Variants in OR9Q1 observed in about 807,000 individuals in gnomAD.
The protein encoded by OR9Q1 is olfactory receptor family 9 subfamily Q member 1.
For missense variants in OR9Q1, 374 were observed against 378.8 expected, an observed-to-expected ratio of 0.99 and a Z score of 0.11; for synonymous variants, 153 against 148.6, an observed-to-expected ratio of 1.03 and a Z score of -0.22.
chr11:58,044,215 C>T (rs1335960155), intron 1 of OR9Q1: 1 of 152,182 alleles, frequency 6.6e-6, no homozygotes, highest in Non-Finnish European at 1.5e-5. Flanking sequence ...CTGGACTTTT[C>T]CATTGAAGGA....
chr11:58,099,319 A>G (rs1485662659), intron 2 of OR9Q1, among the ~76,000 whole-genome samples: 3 of 148,426 alleles, frequency 2.0e-5, no homozygotes, highest in African/African-American at 7.3e-5. Context: ...AATATAATAT[A>G]TAAAACATAT....
chr11:58,178,023 C>T (rs1854621804), intron 2 of OR9Q1, among the ~76,000 whole-genome samples: 1 of 152,020 alleles, frequency 6.6e-6, no homozygotes, highest in Admixed American at 6.6e-5. Flanking sequence ...TGTAGGAGAA[C>T]CTGGGGGAGA....
chr11:58,180,664 G>A lies in OR9Q1; in HGVS notation c.*287G>A, dbSNP rs1232301390. 3.7e-6 allele frequency: 1 copy of A among 266,734 alleles called. No individual in the cohort carries two copies. The highest frequency in any genetic ancestry group is 7.5e-6 in the Non-Finnish European group (1 of 132,922). The allele number at this position is 266,734 out of a possible 1,614,324, so 16.5% of individuals were successfully genotyped here. A position where few individuals can be genotyped will look rare whatever the true frequency, so the allele number is the denominator to read the frequency against. On this transcript the variant is annotated 3_prime_UTR_variant, in exon 3 of 3. Transcript: ENST00000335397. ...ACACTTCACCTGTCTGTGATTATAA[G>A]AGTAATTTTTTTTGCAAAATTTTTA...
chr11:58,089,551 G>T (rs988500711), intron 2 of OR9Q1, among the ~76,000 whole-genome samples: 2 of 151,848 alleles, frequency 1.3e-5, no homozygotes, highest in Non-Finnish European at 2.9e-5. Context: ...TTTGATTACT[G>T]TAGCCTTGTA....
chr11:58,177,553 A>AT (rs1271754309), intron 2 of OR9Q1, among the ~76,000 whole-genome samples: 1 of 152,184 alleles, frequency 6.6e-6, no homozygotes, highest in Non-Finnish European at 1.5e-5. Flanking sequence ...TTATAAAAGC[A>AT]TTTTTGGTAA....
At position 58,179,591 on chromosome 11, in the gene OR9Q1, C is replaced by A; in HGVS notation, c.147C>A (p.Ile49=). The A allele has an allele frequency of 1.2e-6, 2 of 1,613,734 alleles. No individual in the cohort carries two copies. Among genetic ancestry groups the A allele is most frequent in the Non-Finnish European group, 1.7e-6 (2 of 1,179,774 alleles). Reference sequence around the variant, plus strand: ...GGAACTTAGAGATGATTATTCTGATCCTCATGGATCACCAGCTCCACGCTC... The same window carrying A: ...GGAACTTAGAGATGATTATTCTGATACTCATGGATCACCAGCTCCACGCTC... The part of the protein sequence containing the change: ...VLGNLEMIIL[I]LMDHQLHAPM... Residue 49 remains isoleucine, a synonymous_variant, in exon 3 of 3, where the codon ATC becomes ATA. Coordinates refer to ENST00000335397, the MANE Select transcript of OR9Q1 (RefSeq NM_001005212.4).
Position 58,031,031 on chromosome 11 carries a change from C to G in OR9Q1, c.-93+6927C>G, listed in dbSNP as rs75126969. The G allele has an allele frequency of 5.0e-6, 8 of 1,613,876 alleles. No individual in the cohort carries two copies. The African/African-American group carries it at 1.1e-4, about 22-fold the overall frequency. ...CTTTGCTGGCATCCATGAAGCACACCTCCTCTTCTTCATACTCTTCCTCAC... is the reference window on the plus strand; with the variant it reads ...CTTTGCTGGCATCCATGAAGCACACGTCCTCTTCTTCATACTCTTCCTCAC... On this transcript the variant is annotated intron_variant, in intron 1 of 2. Coordinates refer to ENST00000335397, the MANE Select transcript of OR9Q1 (RefSeq NM_001005212.4).
intron 2 of OR9Q1, among the ~76,000 whole-genome samples, chr11:58,104,801 C>T (rs899540407): frequency 4.6e-5 from 7 of 152,028 alleles, no homozygotes; most frequent in African/African-American, 1.4e-4. Context: ...TTGCATGTTC[C>T]GGACAGTATA....
At chr11:58,097,512 A>C (rs780383307) in intron 2 of OR9Q1, among the ~76,000 whole-genome samples, 6 of 152,340 alleles carry the variant, frequency 3.9e-5, no homozygotes, top group South Asian at 2.1e-4. Flanking sequence ...TGTAATGTCA[A>C]ATGTAAAACC....
intron 2 of OR9Q1, among the ~76,000 whole-genome samples, chr11:58,116,476 A>C (rs1428233942): frequency 6.6e-6 from 1 of 152,178 alleles, no homozygotes; most frequent in Non-Finnish European, 1.5e-5. Context: ...CTCATTTTTC[A>C]TATCCTTGTC....
At chr11:58,083,976 T>A (rs1853612327) in intron 2 of OR9Q1, among the ~76,000 whole-genome samples, 1 of 151,916 alleles carries the variant, frequency 6.6e-6, no homozygotes, top group Non-Finnish European at 1.5e-5. Flanking sequence ...TTAGAATAGG[T>A]TTTTCTAATT....
At chr11:58,134,382 T>C (rs964311264) in intron 2 of OR9Q1, among the ~76,000 whole-genome samples, 3 of 152,172 alleles carry the variant, frequency 2.0e-5, no homozygotes, top group Admixed American at 1.3e-4. Flanking sequence ...ATCCCCAACC[T>C]TTCCCATTGG....
chr11:58,093,759 C>CAAAAAAAAAAAAAAAAAA, intron 2 of OR9Q1, among the ~76,000 whole-genome samples: 1 of 35,562 alleles, frequency 2.8e-5, no homozygotes, highest in Non-Finnish European at 5.6e-5. Context: ...GACTTCATCT[C>CAAAAAAAAAAAAAAAAAA]AAAAAAAAAA....
chr11:58,066,030 G>T, intron 2 of OR9Q1, among the ~76,000 whole-genome samples: 1 of 152,170 alleles, frequency 6.6e-6, no homozygotes, highest in East Asian at 1.9e-4. Context: ...CCTGTCAGGA[G>T]CCCTGTAGTG....
intron 1 of OR9Q1, chr11:58,030,833 C>T (rs916252556): frequency 1.5e-6 from 1 of 682,728 alleles, no homozygotes; most frequent in Non-Finnish European, 2.6e-6. Context: ...AGTGTGTTGA[C>T]ATCATGTTTC....
In OR9Q1 at chr11:58,180,400, C is replaced by T. The variant is rs1201943702; in HGVS notation, c.*23C>T. The T allele has an allele frequency of 1.4e-6, 2 of 1,439,998 alleles. No homozygotes were observed. The highest frequency in any genetic ancestry group is 4.6e-5 in the East Asian group (2 of 43,656). 89.2% of individuals were successfully genotyped at this position (1,439,998 alleles called of 1,614,324 possible). A position where few individuals can be genotyped will look rare whatever the true frequency, so the allele number is the denominator to read the frequency against. Reference sequence around the variant, plus strand: ...TAACCATCTCCAAACTTGGAAAATCCCGAGAACCACCTACTCTGTAGTGTC... The same window carrying T: ...TAACCATCTCCAAACTTGGAAAATCTCGAGAACCACCTACTCTGTAGTGTC... On this transcript the variant is annotated 3_prime_UTR_variant, in exon 3 of 3. Coordinates refer to ENST00000335397, the MANE Select transcript of OR9Q1 (RefSeq NM_001005212.4).
chr11:58,068,104 C>T (rs560553895), intron 2 of OR9Q1, among the ~76,000 whole-genome samples: 2 of 151,360 alleles, frequency 1.3e-5, no homozygotes, highest in African/African-American at 4.9e-5. Flanking sequence ...TTTGGGAGGC[C>T]GAGGTGGGTG....
intron 2 of OR9Q1, among the ~76,000 whole-genome samples, chr11:58,148,036 A>G (rs1271532427): frequency 6.6e-6 from 1 of 152,148 alleles, no homozygotes; most frequent in Admixed American, 6.6e-5. Flanking sequence ...TTTACCAACA[A>G]TGATATTGGA....
intron 2 of OR9Q1, among the ~76,000 whole-genome samples, chr11:58,152,802 C>T (rs1854366252): frequency 6.6e-6 from 1 of 152,114 alleles, no homozygotes; most frequent in Non-Finnish European, 1.5e-5. Context: ...AAATTATTTA[C>T]CTTTTTTTTA....
Sources: gnomAD v4.1 joint callset for allele counts (sites outside exome capture counted in the v4.1 genomes callset) on GRCh38, gnomAD v4.1.1 for gene constraint, MANE v1.5 for transcripts, NCBI Gene and HGNC (gene_info 2026-07-23, HGNC 2026-07-21) for gene names.